Variants in TANC1 observed in about 807,000 individuals in gnomAD.
TANC1 encodes the protein tetratricopeptide repeat, ankyrin repeat and coiled-coil containing 1, also known as protein TANC1.
In TANC1, 77 loss-of-function variants were observed where a neutral mutation model predicts 149.7. That is an observed-to-expected ratio of 0.51 (90% CI 0.43 to 0.62). TANC1 has a LOEUF of 0.62. Ranked by LOEUF, TANC1 falls within the 20% of genes least tolerant of loss-of-function variation. The probability of loss-of-function intolerance (pLI) is 0.00; values close to 1 mark genes in which losing one functional copy is unlikely to be tolerated. For missense variants in TANC1, 1,985 were observed against 2,321.8 expected (o/e 0.85, Z 2.98); for synonymous variants, 854 against 925.0 (o/e 0.92, Z 1.39).
chr2:159,098,998 G>A (rs772855477), intron 4 of TANC1, among the ~76,000 whole-genome samples: 2 of 152,048 alleles, frequency 1.3e-5, no homozygotes, highest in Non-Finnish European at 2.9e-5. Context: ...TGATTTCCTG[G>A]TAATATTTGT....
chr2:159,197,840 C>T (rs760754573), intron 18 of TANC1, among the ~76,000 whole-genome samples: 1 of 152,004 alleles, frequency 6.6e-6, no homozygotes, highest in Non-Finnish European at 1.5e-5. Flanking sequence ...GTTTGTTCAC[C>T]ATAAGACTTG....
At chr2:159,108,906 C>T (rs1397571594) in intron 4 of TANC1, among the ~76,000 whole-genome samples, 1 of 152,150 alleles carries the variant, frequency 6.6e-6, no homozygotes, top group Non-Finnish European at 1.5e-5. Context: ...GAAAGCCTTG[C>T]CTGGGGTGGG....
At chr2:159,011,469 G>A (rs1328356504) in intron 2 of TANC1, among the ~76,000 whole-genome samples, 1 of 151,516 alleles carries the variant, frequency 6.6e-6, no homozygotes, top group Non-Finnish European at 1.5e-5. Flanking sequence ...TCTGAATTCT[G>A]AACCAGTTCT....
At chr2:159,126,615 C>G (rs1032725445) in intron 4 of TANC1, among the ~76,000 whole-genome samples, 1 of 152,264 alleles carries the variant, frequency 6.6e-6, no homozygotes, top group Non-Finnish European at 1.5e-5. Flanking sequence ...AGCTAGCAGA[C>G]TGGCTTGCAG....
At chr2:159,171,523 C>G (rs921238509) in intron 10 of TANC1, among the ~76,000 whole-genome samples, 1 of 152,066 alleles carries the variant, frequency 6.6e-6, no homozygotes, top group Non-Finnish European at 1.5e-5. Context: ...ACTCAGGAGG[C>G]TGAGGTGGGA....
chr2:159,062,749 T>C (rs1015542443), intron 2 of TANC1, among the ~76,000 whole-genome samples: 14 of 150,396 alleles, frequency 9.3e-5, no homozygotes, highest in Non-Finnish European at 2.1e-4. Context: ...GGGTGGATCA[T>C]GAGGTCAGGA....
intron 2 of TANC1, among the ~76,000 whole-genome samples, chr2:159,039,714 G>A (rs1466287407): frequency 1.3e-5 from 2 of 152,216 alleles, no homozygotes; most frequent in African/African-American, 4.8e-5. Context: ...TGGTCTGAGA[G>A]ACGGTTTGTT....
intron 3 of TANC1, among the ~76,000 whole-genome samples, chr2:159,076,898 C>A: frequency 6.6e-6 from 1 of 152,022 alleles, no homozygotes; most frequent in East Asian, 1.9e-4. Flanking sequence ...GAAAACATAT[C>A]TCTATGTTAT....
At chr2:159,058,882 A>G (rs961857711) in intron 2 of TANC1, among the ~76,000 whole-genome samples, 1 of 152,234 alleles carries the variant, frequency 6.6e-6, no homozygotes, top group African/African-American at 2.4e-5. Context: ...ATGAATGTAC[A>G]GAATATTTTA....
chr2:159,172,209 T>C lies in TANC1; in HGVS notation c.1440T>C (p.Leu480=). The stretch of plus-strand genomic sequence containing the variant: ...CTTCCAGCACAGCTAAAACACCTCT[T>C]GGGTCTATCAGTGCTGAAAACCAGA... The part of the protein sequence containing the change: ...TSASSTAKTP[L]GSISAENQRP... Residue 480 remains leucine (L), a synonymous_variant, in exon 11 of 27, where the codon CTT becomes CTC. Coordinates refer to ENST00000263635, the MANE Select transcript of TANC1 (RefSeq NM_033394.3). 1.9e-6 allele frequency: 3 copies of C among 1,614,216 alleles called. No individual in the cohort carries two copies. The highest frequency in any genetic ancestry group is 2.5e-6 in the Non-Finnish European group (3 of 1,180,024).
intron 2 of TANC1, among the ~76,000 whole-genome samples, chr2:159,035,163 G>A (rs2149495399): frequency 6.6e-6 from 1 of 152,300 alleles, no homozygotes; most frequent in South Asian, 2.1e-4. Flanking sequence ...ATCCTTGCAA[G>A]AAAGTGATGA....
chr2:159,183,402 GGA>G (rs1204151191), intron 14 of TANC1, among the ~76,000 whole-genome samples: 1 of 152,226 alleles, frequency 6.6e-6, no homozygotes, highest in Admixed American at 6.5e-5. Flanking sequence ...CATCACTGAT[GGA>G]GAGGTGTCTG....
At chr2:159,228,248 C>T (rs1370197068) in intron 25 of TANC1, 1 of 383,068 alleles carries the variant, frequency 2.6e-6, no homozygotes, top group Non-Finnish European at 4.7e-6. Context: ...CTTCCCAACA[C>T]TGTTGCTGCT....
At chr2:159,042,007 C>G (rs142174105) in intron 2 of TANC1, among the ~76,000 whole-genome samples, 186 of 152,260 alleles carry the variant, frequency 1.2e-3, no homozygotes, top group African/African-American at 4.0e-3. Context: ...GTAGGGTTCT[C>G]CTCTGTGCTT....
chr2:158,993,262 G>C (rs775569827), intron 1 of TANC1, among the ~76,000 whole-genome samples: 1 of 151,830 alleles, frequency 6.6e-6, no homozygotes, highest in African/African-American at 2.4e-5. Flanking sequence ...TTTGTTTTTT[G>C]TTCTGTTTTG....
At chr2:159,152,764 A>G (rs2052988881) in intron 7 of TANC1, among the ~76,000 whole-genome samples, 1 of 152,212 alleles carries the variant, frequency 6.6e-6, no homozygotes, top group Admixed American at 6.5e-5. Flanking sequence ...GATTACAGGC[A>G]TGAGCCGCTG....
At chr2:159,014,082 A>C (rs2038032161) in intron 2 of TANC1, among the ~76,000 whole-genome samples, 1 of 152,234 alleles carries the variant, frequency 6.6e-6, no homozygotes, top group African/African-American at 2.4e-5. Context: ...TAAAGAATCT[A>C]TCTCTAAATA....
intron 2 of TANC1, among the ~76,000 whole-genome samples, chr2:159,011,382 C>T (rs375358324): frequency 6.6e-6 from 1 of 152,260 alleles, no homozygotes. Context: ...ATCTACTCCT[C>T]AAAGAGGAAA....
intron 5 of TANC1, among the ~76,000 whole-genome samples, chr2:159,136,893 G>A (rs1273156081): frequency 6.6e-6 from 1 of 151,726 alleles, no homozygotes; most frequent in African/African-American, 2.4e-5. Flanking sequence ...CAAATTTGCA[G>A]CATTTAACAG....
Sources: allele counts gnomAD v4.1 joint callset (sites outside exome capture counted in the v4.1 genomes callset), GRCh38; gene constraint gnomAD v4.1.1; transcripts MANE v1.5; gene names NCBI Gene and HGNC (gene_info 2026-07-23, HGNC 2026-07-21).